The following ZNF324 variants were observed in gnomAD, a reference collection of about 807,000 sequenced individuals.
ZNF324 encodes the protein zinc finger protein 324.
A neutral mutation model predicts 10.3 loss-of-function variants in ZNF324; 3 were observed. The observed-to-expected ratio is 0.29, with a 90% CI of 0.13 to 0.75. The LOEUF is 0.75. Ranked by LOEUF, ZNF324 falls within the 30% of genes least tolerant of loss-of-function variation. The pLI is 0.69. For missense variants in ZNF324, 763 were observed against 784.4 expected (o/e 0.97, Z 0.33); for synonymous variants, 430 against 339.5 (o/e 1.27, Z -2.93).
intron 2 of ZNF324, 128 bp downstream of exon 2, chr19:58,469,434 G>A: frequency 7.8e-7 from 1 of 1,287,912 alleles, no homozygotes; most frequent in Non-Finnish European, 1.1e-6. Flanking sequence ...GTGGAATAGG[G>A]GTCTGGTCCT....
At chr19:58,467,678 G>A (rs181585731) in intron 1 of ZNF324, 2 of 152,270 alleles carry the variant, frequency 1.3e-5, no homozygotes, top group East Asian at 3.9e-4. Flanking sequence ...AGTTCGGGCA[G>A]CCAGGGGGCT....
rs752089331 is a variant in ZNF324, at chr19:58,471,980, C to G, written c.1488C>G (p.Leu496=). Residue 496 remains leucine, a synonymous_variant, in exon 4 of 4, where the codon CTC becomes CTG. Transcript: ENST00000196482. ...GCGCCTTCCGTGAGCGCCCGGCCCT[C>G]TTCCACCACCAGAGGATCCATACCG... The part of the protein sequence containing the change: ...CGRAFRERPA[L]FHHQRIHTGE... 1.1e-5 allele frequency: 17 copies of G among 1,608,928 alleles called. No individual in the cohort carries two copies. The highest frequency in any genetic ancestry group is 1.4e-5 in the Non-Finnish European group (17 of 1,179,556).
rs1600001207 is a variant in ZNF324, at chr19:58,472,598, A to C, written c.*444A>C. 1 of 161,498 alleles carries C rather than the reference A, an allele frequency of 6.2e-6. No individual in the cohort carries two copies. The highest frequency in any genetic ancestry group is 2.4e-5 in the African/African-American group (1 of 41,830). The allele number at this position is 161,498 out of a possible 1,614,324, so 10.0% of individuals were successfully genotyped here. On this transcript the variant is annotated 3_prime_UTR_variant, in exon 4 of 4. Coordinates refer to ENST00000196482, the MANE Select transcript of ZNF324 (RefSeq NM_014347.3). The stretch of plus-strand genomic sequence containing the variant: ...GCCCGCTGAGGGTATTCTCCCCTCA[A>C]CCCACTGCCTCTGTTCATCCAAGAC...
chr19:58,470,652 T>G, intron 3 of ZNF324, 79 bp from the exon 4 acceptor site: 1 of 1,584,942 alleles, frequency 6.3e-7, no homozygotes, highest in Non-Finnish European at 8.7e-7. Context: ...CCGGGGTTCC[T>G]TCTTGCCTGT....
Position 58,471,198 on chromosome 19 carries a change from G to A in ZNF324, c.706G>A (p.Gly236Ser), listed in dbSNP as rs1369412969. ...AVWQEPHRLLGGQEPSTWDEL... is the reference protein window; with the variant it reads ...AVWQEPHRLLSGQEPSTWDEL... Reference sequence around the variant, plus strand: ...TTGGCAGGAGCCTCATAGACTCCTCGGTGGCCAGGAGCCCTCGACCTGGGA... The same window carrying A: ...TTGGCAGGAGCCTCATAGACTCCTCAGTGGCCAGGAGCCCTCGACCTGGGA... The change falls in exon 4 of 4, where the codon GGT becomes AGT. Residue 236 changes from glycine (G) to serine (S), a missense_variant. Transcript: ENST00000196482. 6.2e-7 allele frequency: 1 copy of A among 1,613,260 alleles called. No individual in the cohort carries two copies. The highest frequency in any genetic ancestry group is 1.3e-5 in the African/African-American group (1 of 74,916).
intron 1 of ZNF324, among the ~76,000 whole-genome samples, chr19:58,468,932 T>C (rs2053004345): frequency 6.6e-6 from 1 of 152,178 alleles, no homozygotes; most frequent in Admixed American, 6.5e-5. Flanking sequence ...AGCCATACCT[T>C]AAACTAAGCT....
At position 58,471,045 on chromosome 19, in the gene ZNF324, C is replaced by G. The variant is rs775585317; in HGVS notation, c.553C>G (p.Leu185Val). ...AAAGACACTCACAGAGCATGCGTTG[C>G]TGGGGAGGCAGCCCAGGACGCCTGA... is the stretch of plus-strand genomic sequence containing the variant. ...REKTLTEHAL[L>V]GRQPRTPERQ... The change falls in exon 4 of 4, where the codon CTG (leucine) becomes GTG (valine). Residue 185 changes from leucine (L) to valine (V), a missense_variant. By Grantham distance (32) the Leu-to-Val change is conservative. Coordinates refer to ENST00000196482, the MANE Select transcript of ZNF324 (RefSeq NM_014347.3). 1 of 1,613,992 alleles carries G rather than the reference C, an allele frequency of 6.2e-7. No homozygotes were observed. The highest frequency in any genetic ancestry group is 8.5e-7 in the Non-Finnish European group (1 of 1,180,038).
At position 58,470,893 on chromosome 19, in the gene ZNF324, GAAA is replaced by G. The variant is rs544442138; in HGVS notation, c.403_405del (p.Lys135del). 3.2e-5 allele frequency: 51 copies of G among 1,614,234 alleles called. No homozygotes were observed. In the Middle Eastern group the frequency reaches 6.6e-4, roughly 21 times the overall value. On this transcript the variant is annotated inframe_deletion, in exon 4 of 4. Coordinates refer to ENST00000196482, the MANE Select transcript of ZNF324 (RefSeq NM_014347.3). ...CGGGGTGCCTCCCCATCTCGGGAGAGAAAACCCACGGGGGTGTCGGTGATCTAC... is the reference window on the plus strand; with the variant it reads ...CGGGGTGCCTCCCCATCTCGGGAGAGACCCACGGGGGTGTCGGTGATCTAC...
At position 58,471,023 on chromosome 19, in the gene ZNF324, G is replaced by C. The variant is rs113307241; in HGVS notation, c.531G>C (p.Lys177Asn). 13 of 1,613,996 alleles carry C rather than the reference G, an allele frequency of 8.1e-6. No homozygotes were observed. Among genetic ancestry groups the C allele is most frequent in the Non-Finnish European group, 9.3e-6 (11 of 1,180,054 alleles). Reference sequence around the variant, plus strand: ...CCGAGGGCGTCCGGCTTAGAGAAAAGACACTCACAGAGCATGCGTTGCTGG... The same window carrying C: ...CCGAGGGCGTCCGGCTTAGAGAAAACACACTCACAGAGCATGCGTTGCTGG... ...RPPEGVRLRE[K>N]TLTEHALLGR... Residue 177 changes from lysine (K) to asparagine (N), a missense_variant, in exon 4 of 4, where the codon AAG (lysine) becomes AAC (asparagine). Coordinates refer to ENST00000196482, the MANE Select transcript of ZNF324 (RefSeq NM_014347.3).
Position 58,471,595 on chromosome 19 carries a change from C to T in ZNF324, c.1103C>T (p.Pro368Leu). The change falls in exon 4 of 4, where the codon CCT becomes CTT. Residue 368 changes from proline (P) to leucine (L), a missense_variant. Physicochemically the swap from Pro to Leu is moderately conservative, Grantham distance 98 (BLOSUM62 -3). Around this residue, in one of 3 missense-constraint regions of ZNF324, gnomAD observed 153 missense variants for 269.0 expected, o/e 0.57. Transcript: ENST00000196482. Reference sequence around the variant, plus strand: ...CGCAAGATCCACGCGGGTGGGCGTCCTTATGCTTGCGCACAGTGTGGCCGC... The same window carrying T: ...CGCAAGATCCACGCGGGTGGGCGTCTTTATGCTTGCGCACAGTGTGGCCGC... The part of the protein sequence containing the change: ...QHRKIHAGGR[P>L]YACAQCGRRF... The T allele has an allele frequency of 6.2e-7, 1 of 1,601,940 alleles. No homozygotes were observed. Among genetic ancestry groups the T allele is most frequent in the South Asian group, 1.1e-5 (1 of 90,506 alleles).
At position 58,471,338 on chromosome 19, in the gene ZNF324, G is replaced by A; in HGVS notation, c.846G>A (p.Glu282=). ...AGCACCTACGCACCCACACCGGGGA[G>A]CGGCCCTACGAGTGCGCCCAGTGCG... ...LLKHLRTHTG[E]RPYECAQCGK... Residue 282 remains glutamate (E), a synonymous_variant, in exon 4 of 4, where the codon GAG becomes GAA. Coordinates refer to ENST00000196482, the MANE Select transcript of ZNF324 (RefSeq NM_014347.3). 6.2e-7 allele frequency: 1 copy of A among 1,614,054 alleles called. No homozygotes were observed. The highest frequency in any genetic ancestry group is 1.1e-5 in the South Asian group (1 of 91,088).
At position 58,469,170 on chromosome 19, in the gene ZNF324, G is replaced by C. The variant is rs753644820; in HGVS notation, c.-6-10G>C. Reference sequence around the variant, plus strand: ...AGACCATGGCTGTCTCTTCCTCCCTGCTCTTTTAGGACCAGATGGCCTTTG... The same window carrying C: ...AGACCATGGCTGTCTCTTCCTCCCTCCTCTTTTAGGACCAGATGGCCTTTG... On this transcript the variant is annotated splice_polypyrimidine_tract_variant and intron_variant, in intron 1 of 3. Transcript: ENST00000196482. The C allele has an allele frequency of 6.2e-7, 1 of 1,614,044 alleles. No homozygotes were observed.
chr19:58,473,532 T>G lies in ZNF324; in HGVS notation c.*1378T>G, dbSNP rs2053056746. The G allele has an allele frequency of 6.6e-6, 1 of 152,232 alleles. No homozygotes were observed. The highest frequency in any genetic ancestry group is 6.5e-5 in the Admixed American group (1 of 15,282). The allele number at this position is 152,232 out of a possible 1,614,324, so 9.4% of individuals were successfully genotyped here. ...CCCTACTCCAGAGCATGGTTCAGTC[T>G]TAATAGCAGTTCAAGAGCTTCTCTG... On this transcript the variant is annotated 3_prime_UTR_variant, in exon 4 of 4. Transcript: ENST00000196482.
Position 58,472,412 on chromosome 19 carries a change from C to G in ZNF324, c.*258C>G. On this transcript the variant is annotated 3_prime_UTR_variant, in exon 4 of 4. Coordinates refer to ENST00000196482, the MANE Select transcript of ZNF324 (RefSeq NM_014347.3). ...TGGCTGAACTCTAGTGGGGCCGAGA[C>G]TATTCAGAGCCAGTAGGAGGCCGAC... is the stretch of plus-strand genomic sequence containing the variant. The G allele has an allele frequency of 1.9e-6, 1 of 520,942 alleles. No homozygotes were observed. The highest frequency in any genetic ancestry group is 3.1e-5 in the South Asian group (1 of 32,598). The allele number at this position is 520,942 out of a possible 1,614,324, so 32.3% of individuals were successfully genotyped here.
Position 58,470,872 on chromosome 19 carries a change from G to C in ZNF324, c.380G>C (p.Gly127Ala), listed in dbSNP as rs1255978870. 8 of 1,614,128 alleles carry C rather than the reference G, an allele frequency of 5.0e-6. No individual in the cohort carries two copies. The highest frequency in any genetic ancestry group is 6.8e-6 in the Non-Finnish European group (8 of 1,180,060). Residue 127 changes from glycine to alanine, a missense_variant, in exon 4 of 4, where the codon GGT becomes GCT. Gly to Ala is a moderately conservative substitution (Grantham distance 60). Transcript: ENST00000196482. ...GTAAAAAGCCTGCAGAGACAACGGG[G>C]TGCCTCCCCATCTCGGGAGAGAAAA... ...HSVKSLQRQRGASPSRERKPT... is the reference protein window; with the variant it reads ...HSVKSLQRQRAASPSRERKPT...
Position 58,471,318 on chromosome 19 carries a change from C to T in ZNF324, c.826C>T (p.Leu276=), listed in dbSNP as rs778091536. 5.6e-6 allele frequency: 9 copies of T among 1,613,888 alleles called. No homozygotes were observed. In the African/African-American group the frequency reaches 8.0e-5, roughly 14 times the overall value. ...FVKSSDLLKH[L]RTHTGERPYE... ...GAAGAGCTCCGACCTCCTCAAGCACCTACGCACCCACACCGGGGAGCGGCC... is the reference window on the plus strand; with the variant it reads ...GAAGAGCTCCGACCTCCTCAAGCACTTACGCACCCACACCGGGGAGCGGCC... Residue 276 remains leucine, a synonymous_variant, in exon 4 of 4, where the codon CTA becomes TTA. Transcript: ENST00000196482.
intron 3 of ZNF324, 87 bp from the exon 4 acceptor site, chr19:58,470,644 G>C (rs774275838): frequency 1.3e-6 from 2 of 1,543,726 alleles, no homozygotes; most frequent in East Asian, 4.5e-5. Flanking sequence ...TGCCAGCTCC[G>C]GGGTTCCTTC....
At position 58,473,414 on chromosome 19, in the gene ZNF324, G is replaced by GGGAAAAAA. The variant is rs1555790695; in HGVS notation, c.*1260_*1261insGGAAAAAA. 46 of 119,242 alleles carry GGGAAAAAA rather than the reference G, an allele frequency of 3.9e-4. 1 individual carries two copies. The highest frequency in any genetic ancestry group is 1.4e-3 in the African/African-American group (42 of 29,566). 7.4% of individuals were successfully genotyped at this position (119,242 alleles called of 1,614,324 possible). On this transcript the variant is annotated 3_prime_UTR_variant, in exon 4 of 4. Transcript: ENST00000196482. ...AAGGAAATTCATGTTCTCCTTAATG[G>GGGAAAAAA]AAAAAAAAAAAAAAAGACTACCATC...
rs1369133495 is a variant in ZNF324 at position 58,473,224 on chromosome 19, G to C, written c.*1070G>C. 1.3e-5 allele frequency: 2 copies of C among 152,506 alleles called. No individual in the cohort carries two copies. The highest frequency in any genetic ancestry group is 6.6e-5 in the Admixed American group (1 of 15,260). The allele number at this position is 152,506 out of a possible 1,614,324, so 9.4% of individuals were successfully genotyped here. A position where few individuals can be genotyped will look rare whatever the true frequency, so the allele number is the denominator to read the frequency against. On this transcript the variant is annotated 3_prime_UTR_variant, in exon 4 of 4. Transcript: ENST00000196482. Reference sequence around the variant, plus strand: ...TTGGAGGCTGGACAGAGCTGAATAGGAAAGACTTGCTATTGCCTAAGGCTA... The same window carrying C: ...TTGGAGGCTGGACAGAGCTGAATAGCAAAGACTTGCTATTGCCTAAGGCTA...
Sources: allele counts gnomAD v4.1 joint callset (sites outside exome capture counted in the v4.1 genomes callset), GRCh38; gene constraint gnomAD v4.1.1; regional missense constraint gnomAD v4.1.1; transcripts MANE v1.5; gene names NCBI Gene and HGNC (gene_info 2026-07-23, HGNC 2026-07-21).